LCMT1: variants seen among roughly 807,000 people sequenced by gnomAD.
LCMT1 encodes the protein [Phosphatase 2A protein]-leucine-carboxy methyltransferase 1.
In LCMT1, 32 loss-of-function variants were observed where a neutral mutation model predicts 47.7. The ratio of observed to expected loss-of-function variants is 0.67; its 90% CI spans 0.51 to 0.90. The LOEUF (loss-of-function observed/expected upper bound fraction) is 0.90, where lower values mean the gene tolerates loss of function less well. Ranked by LOEUF, LCMT1 falls within the 40% of genes least tolerant of loss-of-function variation. The pLI is 0.00. For missense variants in LCMT1, 375 were observed against 415.2 expected, an observed-to-expected ratio of 0.90 and a Z score of 0.84; for synonymous variants, 152 against 149.7, an observed-to-expected ratio of 1.02 and a Z score of -0.11.
chr16:25,125,692 C>T (rs1183202423), intron 1 of LCMT1, among the ~76,000 whole-genome samples: 2 of 151,738 alleles, frequency 1.3e-5, no homozygotes, highest in Non-Finnish European at 2.9e-5. Flanking sequence ...ATTAGCCAGG[C>T]GTGGTGGCGG....
chr16:25,165,106 G>T (rs957178120), intron 7 of LCMT1, among the ~76,000 whole-genome samples: 1 of 2,868 alleles, frequency 3.5e-4, no homozygotes, highest in Non-Finnish European at 7.9e-3. Context: ...AGGGTTTGGG[G>T]ACTGGTGAAA....
chr16:25,140,027 C>A, intron 3 of LCMT1, 144 bp from the exon 4 acceptor site: 1 of 625,968 alleles, frequency 1.6e-6, no homozygotes, highest in South Asian at 2.0e-5. Context: ...TTGAGTAATT[C>A]GAAAAACACG....
intron 1 of LCMT1, among the ~76,000 whole-genome samples, chr16:25,118,793 C>T (rs1441159086): frequency 6.6e-6 from 1 of 151,822 alleles, no homozygotes; most frequent in African/African-American, 2.4e-5. Flanking sequence ...CCAGGAGCAC[C>T]AAGACTAGGG....
chr16:25,147,583 A>G lies in LCMT1; in HGVS notation c.405-3971A>G, dbSNP rs898380694. On this transcript the variant is annotated intron_variant, in intron 4 of 10. Transcript: ENST00000399069. Reference sequence around the variant, plus strand: ...CACAGAATAGGTCGGGCGGTAAGATAGTGTTAAAACTAGGAGATCCACTTC... The same window carrying G: ...CACAGAATAGGTCGGGCGGTAAGATGGTGTTAAAACTAGGAGATCCACTTC... The G allele has an allele frequency of 2.6e-5, 4 of 152,302 alleles. 1 individual carries two copies. The highest frequency in any genetic ancestry group is 6.8e-3 in the Middle Eastern group (2 of 294). The allele number at this position is 152,302 out of a possible 1,614,324, so 9.4% of individuals were successfully genotyped here. A position where few individuals can be genotyped will look rare whatever the true frequency, so the allele number is the denominator to read the frequency against.
chr16:25,170,120 T>G (rs563851601), intron 8 of LCMT1, among the ~76,000 whole-genome samples: 1 of 152,260 alleles, frequency 6.6e-6, no homozygotes, highest in African/African-American at 2.4e-5. Flanking sequence ...CTTGGGAGAC[T>G]GAGGCAGGAG....
Position 25,132,527 on chromosome 16 carries a change from T to TG in LCMT1, c.327+5dup. The TG allele has an allele frequency of 6.2e-7, 1 of 1,613,212 alleles. No homozygotes were observed. On this transcript the variant is annotated splice_donor_region_variant and intron_variant, in intron 3 of 10. Transcript: ENST00000399069. ...TACCACCTTCTGGAGATTAAAGGTA[T>TG]GTTCAAATTCCCCTCCTCCCTCCCC...
chr16:25,118,843 A>G (rs1959880373), intron 1 of LCMT1, among the ~76,000 whole-genome samples: 1 of 151,862 alleles, frequency 6.6e-6, no homozygotes, highest in African/African-American at 2.4e-5. Context: ...CTCGGAGAGC[A>G]TGGGTGCAGG....
chr16:25,124,525 A>G (rs1294438876), intron 1 of LCMT1, among the ~76,000 whole-genome samples: 2 of 152,210 alleles, frequency 1.3e-5, no homozygotes, highest in African/African-American at 2.4e-5. Context: ...ATGTATTCAT[A>G]TTTGGTCAAG....
chr16:25,140,239 C>T lies in LCMT1; in HGVS notation c.396C>T (p.His132=), dbSNP rs758877922. 6.3e-7 allele frequency: 1 copy of T among 1,597,330 alleles called. No homozygotes were observed. The highest frequency in any genetic ancestry group is 8.5e-7 in the Non-Finnish European group (1 of 1,170,886). ...DFPMIVTRKL[H]SIKCKPPLSS... ...CAATGATTGTCACGAGAAAGCTGCA[C>T]AGTATCAAGTAAGTGTGGCATGGCC... The change falls in exon 4 of 11, where the codon CAC becomes CAT. Residue 132 remains histidine (H), a synonymous_variant. Coordinates refer to ENST00000399069, the MANE Select transcript of LCMT1 (RefSeq NM_016309.3).
intron 9 of LCMT1, among the ~76,000 whole-genome samples, chr16:25,172,402 G>A (rs764793579): frequency 2.6e-5 from 4 of 152,026 alleles, no homozygotes; most frequent in Non-Finnish European, 4.4e-5. Flanking sequence ...AATGTCTGTA[G>A]CTGGGCATTT....
At chr16:25,130,054 A>T (rs775024033) in intron 2 of LCMT1, among the ~76,000 whole-genome samples, 5 of 152,196 alleles carry the variant, frequency 3.3e-5, no homozygotes, top group Admixed American at 6.5e-5. Context: ...AAGATTCTTC[A>T]ACAGGGCTGG....
Position 25,170,806 on chromosome 16 carries a change from G to A in LCMT1, c.884+1G>A, listed in dbSNP as rs1349844658. 1 of 1,602,964 alleles carries A rather than the reference G, an allele frequency of 6.2e-7. No homozygotes were observed. The highest frequency in any genetic ancestry group is 1.1e-5 in the South Asian group (1 of 89,930). ...GGTTACCTCGAGCTGAAGTGAGCAGGTATGGGGTTGGTGAGCGTCAGCTTG... is the reference window on the plus strand; with the variant it reads ...GGTTACCTCGAGCTGAAGTGAGCAGATATGGGGTTGGTGAGCGTCAGCTTG... On this transcript the variant is annotated splice_donor_variant, in intron 9 of 10. Transcript: ENST00000399069. LOFTEE classifies it high-confidence loss of function.
At chr16:25,147,570 C>G (rs540604343) in intron 4 of LCMT1, 1 of 152,122 alleles carries the variant, frequency 6.6e-6, no homozygotes, top group African/African-American at 2.4e-5. Context: ...CAGAATAGGT[C>G]GGGCGGTAAG....
At chr16:25,129,468 C>T (rs547910645) in intron 2 of LCMT1, among the ~76,000 whole-genome samples, 5 of 152,134 alleles carry the variant, frequency 3.3e-5, no homozygotes, top group South Asian at 2.1e-4. Flanking sequence ...TTATAAGTGA[C>T]GTTGAGGATC....
At chr16:25,140,681 G>C (rs1960658498) in intron 4 of LCMT1, 1 of 161,368 alleles carries the variant, frequency 6.2e-6, no homozygotes, top group South Asian at 1.8e-4. Flanking sequence ...AAGCACATGA[G>C]AGGTAGGAGA....
At position 25,170,700 on chromosome 16, in the gene LCMT1, G is replaced by A. The variant is rs73565037; in HGVS notation, c.793-14G>A. 786 of 1,605,106 alleles carry A rather than the reference G, an allele frequency of 4.9e-4. 3 individuals carry two copies. The African/African-American group carries it at 8.5e-3, about 17-fold the overall frequency. On this transcript the variant is annotated splice_polypyrimidine_tract_variant and intron_variant, in intron 8 of 10. Transcript: ENST00000399069. Reference sequence around the variant, plus strand: ...GTTCTCTAGTTCTCCATTTCTCTTCGTTGCACATTTTAGAAAGAACGGCTC... The same window carrying A: ...GTTCTCTAGTTCTCCATTTCTCTTCATTGCACATTTTAGAAAGAACGGCTC...
intron 3 of LCMT1, among the ~76,000 whole-genome samples, chr16:25,137,679 C>T (rs575664502): frequency 2.0e-5 from 3 of 151,556 alleles, no homozygotes; most frequent in East Asian, 3.9e-4. Flanking sequence ...TCTGGGCTCA[C>T]GCACTCCTCC....
At position 25,162,601 on chromosome 16, in the gene LCMT1, AAAG is replaced by A. The variant is rs541493914; in HGVS notation, c.569+1400_569+1402del. Among the ~76,000 whole-genome samples, 1,072 of 147,616 alleles carry A rather than the reference AAAG, an allele frequency of 7.3e-3. 12 individuals carry two copies. The highest frequency in any genetic ancestry group is 0.027 in the African/African-American group (1,017 of 38,076). ...AAGACTCCATCTCAAAAAAAAAAAA[AAAG>A]AAAAGAAAAGAAAAAGAAAAATGTG... On this transcript the variant is annotated intron_variant, in intron 6 of 10. Transcript: ENST00000399069.
chr16:25,176,224 T>C (rs1328848241), intron 10 of LCMT1, among the ~76,000 whole-genome samples: 2 of 152,058 alleles, frequency 1.3e-5, no homozygotes, highest in African/African-American at 4.8e-5. Context: ...TGGGCTTGCC[T>C]CCCCCAGTGG....
Sources: allele counts gnomAD v4.1 joint callset (sites outside exome capture counted in the v4.1 genomes callset), GRCh38; gene constraint gnomAD v4.1.1; transcripts MANE v1.5; gene names NCBI Gene and HGNC (gene_info 2026-07-23, HGNC 2026-07-21).